TSPAN18: variants seen among roughly 807,000 people sequenced by gnomAD.
TSPAN18 encodes the protein tetraspanin 18, also known as tetraspanin-18.
Under a neutral mutation model 27.3 loss-of-function variants are expected in TSPAN18, and 14 were observed. The observed-to-expected ratio is 0.51, with a 90% CI of 0.34 to 0.80. The LOEUF is 0.80. Among genes scored for constraint, TSPAN18 ranks in the 30% least tolerant of loss-of-function variants. TSPAN18 has a pLI of 0.01. For missense variants in TSPAN18, 268 were observed against 323.9 expected, an observed-to-expected ratio of 0.83 and a Z score of 1.32; for synonymous variants, 143 against 136.5, an observed-to-expected ratio of 1.05 and a Z score of -0.33.
At chr11:44,805,522 G>A (rs1856573321) in intron 2 of TSPAN18, among the ~76,000 whole-genome samples, 1 of 152,188 alleles carries the variant, frequency 6.6e-6, no homozygotes, top group African/African-American at 2.4e-5. Flanking sequence ...CCTGGGCCAG[G>A]GAGATTGAGT....
At chr11:44,804,371 G>A (rs1214884560) in intron 2 of TSPAN18, among the ~76,000 whole-genome samples, 1 of 152,220 alleles carries the variant, frequency 6.6e-6, no homozygotes, top group African/African-American at 2.4e-5. Context: ...GATTACAGGC[G>A]TAAGCCACCG....
chr11:44,927,334 A>T (rs1207360212), intron 9 of TSPAN18, among the ~76,000 whole-genome samples: 1 of 152,154 alleles, frequency 6.6e-6, no homozygotes, highest in Non-Finnish European at 1.5e-5. Flanking sequence ...GATCTCCATC[A>T]TCTGGGATCT....
At chr11:44,915,081 A>G (rs990449531) in intron 5 of TSPAN18, among the ~76,000 whole-genome samples, 1 of 152,124 alleles carries the variant, frequency 6.6e-6, no homozygotes, top group Non-Finnish European at 1.5e-5. Context: ...ATTATTTATC[A>G]CTGTCCAGGC....
intron 2 of TSPAN18, among the ~76,000 whole-genome samples, chr11:44,810,216 C>T (rs1422588542): frequency 6.6e-6 from 1 of 152,194 alleles, no homozygotes; most frequent in Non-Finnish European, 1.5e-5. Context: ...TTCATAGTGT[C>T]CTGTAGCCAC....
At chr11:44,871,425 A>G (rs937283060) in intron 3 of TSPAN18, among the ~76,000 whole-genome samples, 2 of 152,134 alleles carry the variant, frequency 1.3e-5, no homozygotes, top group African/African-American at 2.4e-5. Context: ...ATACCATCAC[A>G]TTGGGGATGA....
intron 1 of TSPAN18, chr11:44,736,338 A>G (rs181093510): frequency 6.6e-5 from 10 of 152,318 alleles, no homozygotes; most frequent in Admixed American, 5.2e-4. Flanking sequence ...TGGAGCTACA[A>G]TGTTTTCTAG....
At chr11:44,876,652 G>A (rs1247840794) in intron 3 of TSPAN18, among the ~76,000 whole-genome samples, 2 of 152,110 alleles carry the variant, frequency 1.3e-5, no homozygotes, top group African/African-American at 4.8e-5. Flanking sequence ...TTAAGTGGTG[G>A]GTGGCTCTTT....
At chr11:44,765,510 A>G (rs371490907) in intron 2 of TSPAN18, among the ~76,000 whole-genome samples, 23 of 152,326 alleles carry the variant, frequency 1.5e-4, no homozygotes, top group East Asian at 3.9e-4. Context: ...CGCCAGGCAC[A>G]GTGTGACGCT....
chr11:44,792,749 A>C (rs1447564255), intron 2 of TSPAN18, among the ~76,000 whole-genome samples: 1 of 151,916 alleles, frequency 6.6e-6, no homozygotes, highest in Non-Finnish European at 1.5e-5. Context: ...GTGGACCTCC[A>C]CCCCGGGGAA....
chr11:44,922,059 T>A (rs1860158648), intron 8 of TSPAN18, among the ~76,000 whole-genome samples: 1 of 151,980 alleles, frequency 6.6e-6, no homozygotes, highest in African/African-American at 2.4e-5. Context: ...TCTGCTGCTG[T>A]GGAACTGTCT....
chr11:44,776,341 G>A (rs1218016917), intron 2 of TSPAN18, among the ~76,000 whole-genome samples: 1 of 152,198 alleles, frequency 6.6e-6, no homozygotes, highest in East Asian at 1.9e-4. Context: ...GACAGCTGTG[G>A]TATTGGCCCT....
intron 3 of TSPAN18, chr11:44,901,231 T>C (rs1175743912): frequency 6.6e-6 from 1 of 152,214 alleles, no homozygotes; most frequent in East Asian, 1.9e-4. Context: ...TTTGAGGTTG[T>C]GGGAGGCTCT....
At chr11:44,843,815 A>G (rs1857425848) in intron 2 of TSPAN18, among the ~76,000 whole-genome samples, 2 of 152,272 alleles carry the variant, frequency 1.3e-5, no homozygotes, top group Non-Finnish European at 2.9e-5. Flanking sequence ...GCTCACCAGC[A>G]GTCAGAGTTT....
chr11:44,839,556 C>T (rs1018851809), intron 2 of TSPAN18, among the ~76,000 whole-genome samples: 1 of 152,122 alleles, frequency 6.6e-6, no homozygotes, highest in Non-Finnish European at 1.5e-5. Context: ...CATTCTTTCC[C>T]TCTTATCTAG....
At chr11:44,779,217 C>T (rs772622216) in intron 2 of TSPAN18, among the ~76,000 whole-genome samples, 39 of 152,286 alleles carry the variant, frequency 2.6e-4, no homozygotes, top group Admixed American at 7.8e-4. Context: ...CCACCCACTC[C>T]ATGGCTGTGT....
At chr11:44,745,748 C>T (rs919094695) in intron 1 of TSPAN18, among the ~76,000 whole-genome samples, 2 of 152,226 alleles carry the variant, frequency 1.3e-5, no homozygotes, top group Non-Finnish European at 2.9e-5. Context: ...AAAAACATGG[C>T]TGGGCGCGGT....
At chr11:44,924,477 C>G (rs559645489) in intron 8 of TSPAN18, among the ~76,000 whole-genome samples, 3 of 152,290 alleles carry the variant, frequency 2.0e-5, no homozygotes, top group Admixed American at 6.5e-5. Flanking sequence ...AGATACCACT[C>G]TCCTGGGCCA....
intron 3 of TSPAN18, among the ~76,000 whole-genome samples, chr11:44,887,366 C>T (rs1241890880): frequency 6.6e-6 from 1 of 152,222 alleles, no homozygotes; most frequent in Non-Finnish European, 1.5e-5. Context: ...GTGCTTCATA[C>T]ATGCTGACTG....
chr11:44,817,804 T>C (rs775358530), intron 2 of TSPAN18, among the ~76,000 whole-genome samples: 18 of 152,252 alleles, frequency 1.2e-4, no homozygotes, highest in Non-Finnish European at 2.1e-4. Context: ...CAATACATGG[T>C]GTCCAACCCA....
Sources: allele counts gnomAD v4.1 joint callset (sites outside exome capture counted in the v4.1 genomes callset), GRCh38; gene constraint gnomAD v4.1.1; transcripts MANE v1.5; gene names NCBI Gene and HGNC (gene_info 2026-07-23, HGNC 2026-07-21).